CECR2: variants seen among roughly 807,000 people sequenced by gnomAD.
The protein encoded by CECR2 is CECR2 histone acetyl-lysine reader.
In CECR2, 30 loss-of-function variants were observed where a neutral mutation model predicts 154.5. The ratio of observed to expected loss-of-function variants is 0.19; its 90% CI spans 0.15 to 0.26. CECR2 has a LOEUF of 0.26. Ranked by LOEUF, CECR2 falls within the 10% of genes least tolerant of loss-of-function variation. The probability of loss-of-function intolerance (pLI) is 1.00; values close to 1 mark genes in which losing one functional copy is unlikely to be tolerated. For synonymous variants in CECR2, 725 were observed against 683.7 expected, an observed-to-expected ratio of 1.06 and a Z score of -0.94; for missense variants, 1,743 against 1,829.3, an observed-to-expected ratio of 0.95 and a Z score of 0.86.
chr22:17,468,092 A>G (rs1202299785), intron 1 of CECR2, among the ~76,000 whole-genome samples: 1 of 152,198 alleles, frequency 6.6e-6, no homozygotes, highest in Non-Finnish European at 1.5e-5. Flanking sequence ...GAGGTACTTA[A>G]AATACAAAAG....
At chr22:17,419,708 C>CTGTTTCCTCCTTCGTATCGTGCTGT in intron 1 of CECR2, 1 of 302,672 alleles carries the variant, frequency 3.3e-6, no homozygotes, top group Non-Finnish European at 6.8e-6. Flanking sequence ...CGAGCTGGAG[C>CTGTTTCCTCCTTCGTATCGTGCTGT]TAGAGAGCTG....
At chr22:17,395,226 C>G (rs1271402655) in intron 1 of CECR2, among the ~76,000 whole-genome samples, 1 of 149,872 alleles carries the variant, frequency 6.7e-6, no homozygotes, top group Non-Finnish European at 1.5e-5. Flanking sequence ...CGAGGTCTCA[C>G]TCTATTTCCC....
chr22:17,514,865 C>G (rs192062937), intron 8 of CECR2, among the ~76,000 whole-genome samples: 1 of 152,128 alleles, frequency 6.6e-6, no homozygotes, highest in African/African-American at 2.4e-5. Flanking sequence ...AACCCCGTCT[C>G]TACTAAAAAT....
At chr22:17,499,572 A>T in intron 4 of CECR2, 23 bp downstream of exon 4, 1 of 1,580,762 alleles carries the variant, frequency 6.3e-7, no homozygotes, top group Non-Finnish European at 8.6e-7. Context: ...GTGTTAGGGC[A>T]TGATAGCTAC....
At chr22:17,511,308 C>T (rs1273532353) in intron 7 of CECR2, among the ~76,000 whole-genome samples, 1 of 152,158 alleles carries the variant, frequency 6.6e-6, no homozygotes, top group Non-Finnish European at 1.5e-5. Flanking sequence ...TTCCTTGGCA[C>T]TCACCGCATT....
At chr22:17,427,329 G>A (rs2054346801) in intron 1 of CECR2, among the ~76,000 whole-genome samples, 1 of 151,918 alleles carries the variant, frequency 6.6e-6, no homozygotes, top group African/African-American at 2.4e-5. Flanking sequence ...ACATATGTGT[G>A]CCTGTGTCTT....
chr22:17,510,870 G>A (rs1209485406), intron 7 of CECR2, among the ~76,000 whole-genome samples: 3 of 152,190 alleles, frequency 2.0e-5, no homozygotes, highest in Non-Finnish European at 4.4e-5. Context: ...CTCCCAAAGT[G>A]CTGGGATTAC....
intron 1 of CECR2, among the ~76,000 whole-genome samples, chr22:17,408,314 G>A (rs2054016232): frequency 6.6e-6 from 1 of 151,754 alleles, no homozygotes; most frequent in African/African-American, 2.4e-5. Flanking sequence ...CCCTGGTCAG[G>A]AAGTCAGGAG....
At chr22:17,532,901 A>C (rs1048347924) in intron 9 of CECR2, among the ~76,000 whole-genome samples, 3 of 150,908 alleles carry the variant, frequency 2.0e-5, no homozygotes, top group African/African-American at 7.3e-5. Flanking sequence ...TGTTATTTTT[A>C]GTAGAGATGG....
chr22:17,382,129 A>T (rs1436046483), intron 1 of CECR2, among the ~76,000 whole-genome samples: 3 of 150,770 alleles, frequency 2.0e-5, no homozygotes, highest in Non-Finnish European at 4.4e-5. Context: ...TGACCTTGTG[A>T]TCCGCCCGCC....
chr22:17,511,006 A>C lies in CECR2; in HGVS notation c.871-807A>C, dbSNP rs914155620. Reference sequence around the variant, plus strand: ...AAACCACCCCTTCTTGTCATTTTCTATCCTATAATTCCTTACCTAATGGAT... The same window carrying C: ...AAACCACCCCTTCTTGTCATTTTCTCTCCTATAATTCCTTACCTAATGGAT... On this transcript the variant is annotated intron_variant, in intron 7 of 18. Transcript: ENST00000262608. Among the ~76,000 whole-genome samples, 9 of 152,140 alleles carry C rather than the reference A, an allele frequency of 5.9e-5. No individual in the cohort carries two copies. In the East Asian group the frequency reaches 1.7e-3, roughly 29 times the overall value.
intron 8 of CECR2, among the ~76,000 whole-genome samples, chr22:17,513,927 T>C (rs1028468696): frequency 1.3e-5 from 2 of 152,224 alleles, no homozygotes; most frequent in African/African-American, 2.4e-5. Context: ...TTTCTTCTTT[T>C]ATTCTTGGCA....
In CECR2 at chr22:17,497,532, G is replaced by A. The variant is rs749804824; in HGVS notation, c.351G>A (p.Leu117=). 6.2e-7 allele frequency: 1 copy of A among 1,613,822 alleles called. No homozygotes were observed. Among genetic ancestry groups the A allele is most frequent in the African/African-American group, 1.3e-5 (1 of 74,894 alleles). ...DLPLRTRVEI[L]HRLCDYRLDA... ...CTCTTCGCACACGGGTGGAGATCCTGCACCGACTCTGTGATTACCGGCTGG... is the reference window on the plus strand; with the variant it reads ...CTCTTCGCACACGGGTGGAGATCCTACACCGACTCTGTGATTACCGGCTGG... Residue 117 remains leucine (L), a synonymous_variant, in exon 3 of 19, where the codon CTG becomes CTA. Coordinates refer to ENST00000262608, the MANE Select transcript of CECR2 (RefSeq NM_001290047.2).
chr22:17,502,463 C>G (rs2052922991), intron 5 of CECR2, among the ~76,000 whole-genome samples: 1 of 151,550 alleles, frequency 6.6e-6, no homozygotes, highest in Non-Finnish European at 1.5e-5. Flanking sequence ...AACAAACAAA[C>G]AAAAAAAACA....
intron 1 of CECR2, among the ~76,000 whole-genome samples, chr22:17,392,248 G>A (rs372183228): frequency 2.0e-5 from 3 of 152,006 alleles, no homozygotes; most frequent in South Asian, 4.1e-4. Flanking sequence ...TAGTAAGACC[G>A]TGTCTCAACA....
At chr22:17,541,699 C>A in intron 14 of CECR2, 140 bp from the exon 15 acceptor site, 1 of 1,003,856 alleles carries the variant, frequency 1.0e-6, no homozygotes, top group Non-Finnish European at 1.4e-6. Context: ...CACGTGTGTT[C>A]ACAGTCTCCC....
intron 9 of CECR2, among the ~76,000 whole-genome samples, chr22:17,529,577 G>A (rs1373262851): frequency 6.6e-6 from 1 of 151,302 alleles, no homozygotes; most frequent in East Asian, 1.9e-4. Flanking sequence ...GCACATGCCT[G>A]TAGTCCCAGC....
chr22:17,460,043 G>A (rs1320646686), intron 1 of CECR2, among the ~76,000 whole-genome samples: 1 of 152,062 alleles, frequency 6.6e-6, no homozygotes, highest in Non-Finnish European at 1.5e-5. Context: ...TTTCTGAGTA[G>A]TTGGGACTAC....
At chr22:17,431,014 C>T (rs1380080736) in intron 1 of CECR2, among the ~76,000 whole-genome samples, 1 of 152,118 alleles carries the variant, frequency 6.6e-6, no homozygotes, top group Non-Finnish European at 1.5e-5. Context: ...TGGTCGAGTG[C>T]TCACAACTTA....
Sources: allele counts gnomAD v4.1 joint callset (sites outside exome capture counted in the v4.1 genomes callset), GRCh38; gene constraint gnomAD v4.1.1; transcripts MANE v1.5; gene names NCBI Gene and HGNC (gene_info 2026-07-23, HGNC 2026-07-21).